Variants in OSBPL8 observed in about 807,000 individuals in gnomAD.
The protein encoded by OSBPL8 is oxysterol binding protein like 8, also known as oxysterol-binding protein-related protein 8.
OSBPL8 carries 59 observed loss-of-function variants against 125.5 expected under a neutral mutation model. That is an observed-to-expected ratio of 0.47 (90% confidence interval 0.38 to 0.58). The LOEUF (loss-of-function observed/expected upper bound fraction) is 0.58, where lower values mean the gene tolerates loss of function less well. Among genes scored for constraint, OSBPL8 ranks in the 20% least tolerant of loss-of-function variants. The pLI is 0.00. For missense variants in OSBPL8, 758 were observed against 1,047.8 expected, an observed-to-expected ratio of 0.72 and a Z score of 3.82; for synonymous variants, 330 against 338.9, an observed-to-expected ratio of 0.97 and a Z score of 0.29.
At chr12:76,545,737 A>T (rs1368418396) in intron 1 of OSBPL8, among the ~76,000 whole-genome samples, 1 of 152,192 alleles carries the variant, frequency 6.6e-6, no homozygotes, top group Admixed American at 6.5e-5. Flanking sequence ...TAAGTAACCA[A>T]GACACTTAAT....
rs1027806996 is a variant in OSBPL8 at position 76,355,865 on chromosome 12, C to T, written c.*24G>A. 1.2e-6 allele frequency: 2 copies of T among 1,608,182 alleles called. No individual in the cohort carries two copies. The highest frequency in any genetic ancestry group is 2.2e-5 in the East Asian group (1 of 44,760). On this transcript the variant is annotated 3_prime_UTR_variant, in exon 24 of 24. Coordinates refer to ENST00000261183, the MANE Select transcript of OSBPL8 (RefSeq NM_020841.5). ...CAGGCCAAATCAGATCTTTCTAGTT[C>T]ACTGATTCAATGGTAGAGAACTTCT...
chr12:76,437,512 C>T (rs1430767955), intron 4 of OSBPL8, among the ~76,000 whole-genome samples: 1 of 152,112 alleles, frequency 6.6e-6, no homozygotes, highest in Non-Finnish European at 1.5e-5. Flanking sequence ...TTTGGTTAAT[C>T]CATAGGAGTA....
chr12:76,542,142 G>T (rs1950662441), intron 1 of OSBPL8, among the ~76,000 whole-genome samples: 1 of 152,174 alleles, frequency 6.6e-6, no homozygotes, highest in African/African-American at 2.4e-5. Context: ...TTGCACCCCA[G>T]CCTGGGAAAC....
chr12:76,396,389 CT>C (rs1953804887), intron 8 of OSBPL8, among the ~76,000 whole-genome samples: 2 of 152,138 alleles, frequency 1.3e-5, no homozygotes, highest in Non-Finnish European at 2.9e-5. Flanking sequence ...TTGGTTTTCC[CT>C]AAAGGAGAAA....
chr12:76,370,423 T>C (rs905990783), intron 19 of OSBPL8, among the ~76,000 whole-genome samples: 14 of 152,162 alleles, frequency 9.2e-5, no homozygotes, highest in Non-Finnish European at 1.8e-4. Context: ...CTTTCTTCTG[T>C]TAAATAAAAG....
chr12:76,446,064 T>C (rs1456293547), intron 4 of OSBPL8, among the ~76,000 whole-genome samples: 1 of 152,076 alleles, frequency 6.6e-6, no homozygotes. Flanking sequence ...ATTTGTAAAA[T>C]GGGGGGAATA....
chr12:76,555,665 C>T (rs4761426), intron 1 of OSBPL8, among the ~76,000 whole-genome samples: 36,501 of 151,992 alleles, frequency 0.24, 5,322 homozygotes, highest in Admixed American at 0.36. Context: ...GATTATTATC[C>T]TGATTTTACA....
intron 1 of OSBPL8, among the ~76,000 whole-genome samples, chr12:76,543,042 T>C (rs1189147947): frequency 6.6e-6 from 1 of 152,214 alleles, no homozygotes; most frequent in African/African-American, 2.4e-5. Context: ...TATTGCCCTA[T>C]ATTTCTTCCT....
rs372828636 is a variant in OSBPL8 at position 76,427,347 on chromosome 12, G to A, written c.218-16713C>T. On this transcript the variant is annotated intron_variant, in intron 4 of 23. Transcript: ENST00000261183. ...ATTATATATGTATACTCGCACATAT[G>A]TGTATATGTGTATTGTTTTGATCAA... Among the ~76,000 whole-genome samples, 133 of 151,976 alleles carry A rather than the reference G, an allele frequency of 8.8e-4. 2 individuals carry two copies. In the South Asian group the frequency reaches 0.027, roughly 31 times the overall value.
chr12:76,481,843 C>T (rs1877533497), intron 2 of OSBPL8, among the ~76,000 whole-genome samples: 1 of 152,170 alleles, frequency 6.6e-6, no homozygotes, highest in African/African-American at 2.4e-5. Context: ...AATTTGCATG[C>T]ACAAGCTCTA....
At chr12:76,527,249 T>TG (rs371381554) in intron 1 of OSBPL8, among the ~76,000 whole-genome samples, 1,745 of 116,594 alleles carry the variant, frequency 0.015, 34 homozygotes, top group African/African-American at 0.052. Context: ...TGGGCCGGGG[T>TG]GGGGGGGGAT....
intron 7 of OSBPL8, 107 bp from the exon 8 acceptor site, chr12:76,398,004 C>A: frequency 1.1e-6 from 1 of 892,802 alleles, no homozygotes; most frequent in Non-Finnish European, 1.7e-6. Context: ...AACACGTACA[C>A]TTTAAATATT....
rs781370772 is a variant in OSBPL8 at position 76,355,921 on chromosome 12, G to A, written c.2638C>T (p.Leu880Phe). The change falls in exon 24 of 24, where the codon CTT (leucine) becomes TTT (phenylalanine). Residue 880 changes from leucine to phenylalanine, a missense_variant. Transcript: ENST00000261183. Reference sequence around the variant, plus strand: ...AACATGAAGTTTATTATGACTTGAAGCAAAATCAGGAGGAAAATGATGAAG... The same window carrying A: ...AACATGAAGTTTATTATGACTTGAAACAAAATCAGGAGGAAAATGATGAAG... ...DYFIIFLLIL[L>F]QVIINFMFK 13 of 1,613,366 alleles carry A rather than the reference G, an allele frequency of 8.1e-6. No homozygotes were observed. The Admixed American group carries it at 2.2e-4, about 27-fold the overall frequency.
intron 1 of OSBPL8, 27 bp from the exon 2 acceptor site, chr12:76,487,645 G>T: frequency 1.0e-6 from 1 of 992,816 alleles, no homozygotes; most frequent in Non-Finnish European, 1.4e-6. Context: ...ATATTTATTA[G>T]GACTGGTATA....
intron 17 of OSBPL8, among the ~76,000 whole-genome samples, chr12:76,374,059 C>T (rs1244738959): frequency 6.6e-6 from 1 of 151,862 alleles, no homozygotes; most frequent in Non-Finnish European, 1.5e-5. Context: ...AAAATTTTGC[C>T]AAGGTGAAAG....
chr12:76,402,519 C>A (rs1954092500), intron 6 of OSBPL8, among the ~76,000 whole-genome samples, 170 bp downstream of exon 6: 1 of 152,084 alleles, frequency 6.6e-6, no homozygotes, highest in African/African-American at 2.4e-5. Context: ...CAGTTGACCA[C>A]AGTGTACCAT....
intron 21 of OSBPL8, among the ~76,000 whole-genome samples, chr12:76,361,867 A>G (rs1952221474): frequency 6.6e-6 from 1 of 152,202 alleles, no homozygotes; most frequent in Admixed American, 6.5e-5. Context: ...ATGGGAGTAC[A>G]ATTCAAGATG....
chr12:76,555,692 C>A (rs1951074109), intron 1 of OSBPL8, among the ~76,000 whole-genome samples: 1 of 152,150 alleles, frequency 6.6e-6, no homozygotes, highest in South Asian at 2.1e-4. Context: ...AAAACTAAGA[C>A]CAAGTGATTG....
At chr12:76,442,502 G>A (rs1872303751) in intron 4 of OSBPL8, among the ~76,000 whole-genome samples, 1 of 151,882 alleles carries the variant, frequency 6.6e-6, no homozygotes, top group Non-Finnish European at 1.5e-5. Flanking sequence ...ATGCATTAAG[G>A]ATTTTAAAAC....
Sources: allele counts gnomAD v4.1 joint callset (sites outside exome capture counted in the v4.1 genomes callset), GRCh38; gene constraint gnomAD v4.1.1; transcripts MANE v1.5; gene names NCBI Gene and HGNC (gene_info 2026-07-23, HGNC 2026-07-21).